The following CPS1 variants were observed in gnomAD, a reference collection of about 807,000 sequenced individuals.
CPS1 encodes the protein carbamoyl-phosphate synthase 1.
A neutral mutation model predicts 174.6 loss-of-function variants in CPS1; 109 were observed. The observed-to-expected ratio is 0.62, with a 90% CI of 0.53 to 0.73. CPS1 has a LOEUF of 0.73. Among genes scored for constraint, CPS1 ranks in the 30% least tolerant of loss-of-function variants. The probability of loss-of-function intolerance (pLI) is 0.00; values close to 1 mark genes in which losing one functional copy is unlikely to be tolerated. For missense variants in CPS1, 1,689 were observed against 1,821.9 expected, an observed-to-expected ratio of 0.93 and a Z score of 1.33; for synonymous variants, 637 against 632.0, an observed-to-expected ratio of 1.01 and a Z score of -0.12.
intron 21 of CPS1, among the ~76,000 whole-genome samples, chr2:210,629,112 A>C (rs928701342): frequency 3.9e-5 from 6 of 152,204 alleles, no homozygotes; most frequent in African/African-American, 1.4e-4. Context: ...TGTACACATA[A>C]AAATCTTATA....
At chr2:210,631,712 T>G in intron 21 of CPS1, among the ~76,000 whole-genome samples, 1 of 152,326 alleles carries the variant, frequency 6.6e-6, no homozygotes, top group South Asian at 2.1e-4. Context: ...AAGTCTAACC[T>G]TTTGTAAAGT....
chr2:210,600,436 T>C, intron 14 of CPS1, 119 bp from the exon 15 acceptor site: 2 of 965,134 alleles, frequency 2.1e-6, no homozygotes, highest in Non-Finnish European at 3.2e-6. Flanking sequence ...GCAATTCTAT[T>C]GTAGACAGTG....
chr2:210,624,379 T>G (rs7607205), intron 21 of CPS1, among the ~76,000 whole-genome samples: 52,489 of 151,832 alleles, frequency 0.35, 9,755 homozygotes, highest in Middle Eastern at 0.5. Context: ...TATTACATAT[T>G]ACCATTCTAT....
chr2:210,613,981 G>C (rs565783971), intron 20 of CPS1, among the ~76,000 whole-genome samples: 6 of 152,024 alleles, frequency 3.9e-5, no homozygotes, highest in Admixed American at 3.9e-4. Flanking sequence ...AGGGGAAAAA[G>C]AATGAAGGGA....
intron 1 of CPS1, among the ~76,000 whole-genome samples, chr2:210,559,100 C>G (rs1441570497): frequency 6.6e-6 from 1 of 152,092 alleles, no homozygotes; most frequent in East Asian, 1.9e-4. Flanking sequence ...ACTTTAAAAA[C>G]TCAACTGTCT....
chr2:210,647,445 A>T (rs34976026), intron 25 of CPS1, among the ~76,000 whole-genome samples: 18,688 of 152,090 alleles, frequency 0.12, 1,585 homozygotes, highest in East Asian at 0.26. Flanking sequence ...GATGAAGCAG[A>T]CTTGCTTAAT....
chr2:210,656,800 TAAC>T (rs956280848), intron 30 of CPS1, among the ~76,000 whole-genome samples, 168 bp downstream of exon 30: 2 of 151,754 alleles, frequency 1.3e-5, no homozygotes, highest in African/African-American at 4.8e-5. Context: ...ATTCTAAAGA[TAAC>T]AATTTTCTTC....
At chr2:210,535,785 T>C (rs1696231805) in intron 1 of CPS1, among the ~76,000 whole-genome samples, 1 of 150,560 alleles carries the variant, frequency 6.6e-6, no homozygotes, top group Admixed American at 6.6e-5. Context: ...TACATGTACT[T>C]AAAAAAAGTT....
At chr2:210,676,850 G>A (rs1701551810) in intron 36 of CPS1, among the ~76,000 whole-genome samples, 157 bp from the exon 37 acceptor site, 1 of 152,268 alleles carries the variant, frequency 6.6e-6, no homozygotes, top group East Asian at 1.9e-4. Flanking sequence ...CTATATAAGT[G>A]TAATTTAAAC....
chr2:210,607,993 T>C (rs1176145200), intron 18 of CPS1, among the ~76,000 whole-genome samples: 1 of 151,844 alleles, frequency 6.6e-6, no homozygotes, highest in Non-Finnish European at 1.5e-5. Context: ...TGTACAGATA[T>C]GTATATATTT....
At chr2:210,489,648 C>G (rs532027291) in intron 1 of CPS1, among the ~76,000 whole-genome samples, 1 of 151,680 alleles carries the variant, frequency 6.6e-6, no homozygotes, top group East Asian at 1.9e-4. Flanking sequence ...TGGTTTAAAC[C>G]AAAAAAATCA....
Position 210,590,894 on chromosome 2 carries a change from C to T in CPS1, c.935C>T (p.Ser312Phe). ...LAAGAKTYKM[S>F]MANRGQNQPV... ...GCTGGTGCCAAAACCTACAAGATGT[C>T]CATGGCCAACAGGTGAGGTATTTTC... Residue 312 changes from serine (S) to phenylalanine (F), a missense_variant, in exon 9 of 38, where the codon TCC becomes TTC. Coordinates refer to ENST00000233072, the MANE Select transcript of CPS1 (RefSeq NM_001875.5). The T allele has an allele frequency of 6.2e-7, 1 of 1,610,974 alleles. No homozygotes were observed. The highest frequency in any genetic ancestry group is 1.7e-5 in the Admixed American group (1 of 59,810).
chr2:210,586,411 T>C (rs1013650214), intron 6 of CPS1, among the ~76,000 whole-genome samples: 4 of 152,082 alleles, frequency 2.6e-5, no homozygotes, highest in African/African-American at 9.7e-5. Context: ...ATGATTTAGT[T>C]TGAAACACAG....
At chr2:210,529,292 A>G (rs1696057643) in intron 1 of CPS1, among the ~76,000 whole-genome samples, 1 of 151,976 alleles carries the variant, frequency 6.6e-6, no homozygotes, top group African/African-American at 2.4e-5. Context: ...CTCAGAGAGA[A>G]AAGACCAGAG....
intron 14 of CPS1, 84 bp downstream of exon 14, chr2:210,599,645 T>C: frequency 1.4e-6 from 2 of 1,447,878 alleles, no homozygotes; most frequent in South Asian, 2.3e-5. Context: ...CTAACAATTG[T>C]GCTTTGTGTG....
intron 35 of CPS1, among the ~76,000 whole-genome samples, chr2:210,675,191 G>A (rs539069295): frequency 6.6e-6 from 1 of 152,324 alleles, no homozygotes; most frequent in Admixed American, 6.5e-5. Flanking sequence ...AACTGAGAAA[G>A]TTTAGCTTAA....
intron 1 of CPS1, among the ~76,000 whole-genome samples, chr2:210,535,819 G>GTTTTTTTTTTTTTT (rs67369344): frequency 2.5e-5 from 3 of 118,210 alleles, no homozygotes; most frequent in Non-Finnish European, 5.2e-5. Context: ...CTTTTTCCTT[G>GTTTTTTTTTTTTTT]TTTTTTTTTT....
intron 1 of CPS1, among the ~76,000 whole-genome samples, chr2:210,563,475 G>A (rs79760583): frequency 0.015 from 2,258 of 152,150 alleles, 50 homozygotes; most frequent in African/African-American, 0.05. Flanking sequence ...CAGTTTCAAT[G>A]TGTTTCTTCC....
intron 8 of CPS1, 138 bp from the exon 9 acceptor site, chr2:210,590,662 C>T (rs929012210): frequency 1.5e-6 from 1 of 676,946 alleles, no homozygotes; most frequent in Non-Finnish European, 2.6e-6. Context: ...CAATTATGTC[C>T]TTTTTTATAT....
Sources: allele counts gnomAD v4.1 joint callset (sites outside exome capture counted in the v4.1 genomes callset), GRCh38; gene constraint gnomAD v4.1.1; transcripts MANE v1.5; gene names NCBI Gene and HGNC (gene_info 2026-07-23, HGNC 2026-07-21).